Variants in BRIP1 observed in about 807,000 individuals in gnomAD.
BRIP1 encodes Fanconi anemia group J protein.
Under a neutral mutation model 119.7 loss-of-function variants are expected in BRIP1, and 88 were observed. The ratio of observed to expected loss-of-function variants is 0.74; its 90% CI spans 0.62 to 0.88. The LOEUF (loss-of-function observed/expected upper bound fraction) is 0.88. BRIP1 is among the 40% of genes least tolerant of loss of function. The pLI is 0.00. For missense variants in BRIP1, 1,259 were observed against 1,455.4 expected (o/e 0.87, Z 2.20); for synonymous variants, 443 against 496.5 (o/e 0.89, Z 1.43).
Position 61,825,888 on chromosome 17 carries a change from A to G in BRIP1, c.628-17131T>C, listed in dbSNP as rs895444847. The stretch of plus-strand genomic sequence containing the variant: ...AACTACCACTGACATTCTTCAGAGA[A>G]CTAGGAAAAACTCTTTTAAAACTCA... On this transcript the variant is annotated intron_variant, in intron 6 of 19. Transcript: ENST00000259008. The surrounding 1 kb of genome is among the most constrained non-coding windows in gnomAD (Gnocchi z 4.1). 2.0e-5 allele frequency among the ~76,000 whole-genome samples: 3 copies of G among 152,138 alleles called. No individual in the cohort carries two copies. The highest frequency in any genetic ancestry group is 2.9e-5 in the Non-Finnish European group (2 of 68,024).
rs1377250637 is a variant in BRIP1, at chr17:61,736,520, C to T, written c.2379+6493G>A. Among the ~76,000 whole-genome samples the T allele has an allele frequency of 2.0e-5, 3 of 152,096 alleles. No homozygotes were observed. The highest frequency in any genetic ancestry group is 4.4e-5 in the Non-Finnish European group (3 of 68,014). On this transcript the variant is annotated intron_variant, in intron 16 of 19. Coordinates refer to ENST00000259008, the MANE Select transcript of BRIP1 (RefSeq NM_032043.3). This position sits in a 1 kb window ranked among gnomAD's most constrained non-coding sequence, Gnocchi z 4.4. ...TACTATAACTACCCTGTATTGCCTC[C>T]TTATGAGTCATATCACTGTTTACTA...
chr17:61,808,703 C>G lies in BRIP1; in HGVS notation c.682G>C (p.Glu228Gln), dbSNP rs2145421356. 6.2e-7 allele frequency: 1 copy of G among 1,613,872 alleles called. No homozygotes were observed. The highest frequency in any genetic ancestry group is 8.5e-7 in the Non-Finnish European group (1 of 1,179,910). The change falls in exon 7 of 20, where the codon GAG becomes CAG. Residue 228 changes from glutamate (E) to glutamine (Q), a missense_variant. Coordinates refer to ENST00000259008, the MANE Select transcript of BRIP1 (RefSeq NM_032043.3). The surrounding 1 kb of genome is among the most constrained non-coding windows in gnomAD (Gnocchi z 4.1). ...CCSTKQGNSQ[E>Q]SSNTIKKDHT... ...TCCTTCTTAATGGTATTCGATGACT[C>G]TTGACTGTTTCCTTGTTTAGTAGAA...
rs190466666 is a variant in BRIP1, at chr17:61,744,969, A to G, written c.2098-378T>C. ...TCTTGGCAATTTCAAAAGCAAAAGC[A>G]AAAAACAAAAAACCTCTGTCAAAGT... On this transcript the variant is annotated intron_variant, in intron 14 of 19. Transcript: ENST00000259008. The surrounding 1 kb of genome is among the most constrained non-coding windows in gnomAD (Gnocchi z 5.0). Among the ~76,000 whole-genome samples, 1 of 152,058 alleles carries G rather than the reference A, an allele frequency of 6.6e-6. No individual in the cohort carries two copies. The highest frequency in any genetic ancestry group is 1.5e-5 in the Non-Finnish European group (1 of 68,006).
Position 61,780,445 on chromosome 17 carries a change from A to AG in BRIP1, c.1795-45dup. On this transcript the variant is annotated intron_variant, in intron 12 of 19. Transcript: ENST00000259008. This position sits in a 1 kb window ranked among gnomAD's most constrained non-coding sequence, Gnocchi z 5.4. The stretch of plus-strand genomic sequence containing the variant: ...AGATAAATAAAATTATCTTTAGAAG[A>AG]GGCTGGGCAAAGTGGCTCACACCTG... 3.2e-6 allele frequency: 5 copies of AG among 1,556,864 alleles called. No individual in the cohort carries two copies. The highest frequency in any genetic ancestry group is 4.4e-6 in the Non-Finnish European group (5 of 1,129,720).
At chr17:61,696,557 C>G (rs1414311303) in intron 17 of BRIP1, among the ~76,000 whole-genome samples, 1 of 151,836 alleles carries the variant, frequency 6.6e-6, no homozygotes, top group South Asian at 2.1e-4. Context: ...TGGTAGAATT[C>G]ACCAGTGAAG....
Position 61,784,390 on chromosome 17 carries a change from T to C in BRIP1, c.1508A>G (p.Lys503Arg), listed in dbSNP as rs1310324883. 6.2e-7 allele frequency: 1 copy of C among 1,613,478 alleles called. No homozygotes were observed. The highest frequency in any genetic ancestry group is 1.7e-5 in the Admixed American group (1 of 60,010). The change falls in exon 11 of 20, where the codon AAA becomes AGA. Residue 503 changes from lysine to arginine, a missense_variant. This residue lies in a region of BRIP1 where 753 missense variants were observed against 891.8 expected (regional missense o/e 0.84). Transcript: ENST00000259008. ...CTCTTTACCATAAATTGGTGAGATT[T>C]TTTCCTCTTTTTGAAGAACAGCAGA... is the stretch of plus-strand genomic sequence containing the variant. ...HFSAVLQKEE[K>R]ISPIYGKEEA...
In BRIP1 at chr17:61,845,965, G is replaced by A. The variant is rs1052738584; in HGVS notation, c.627+1136C>T. Among the ~76,000 whole-genome samples the A allele has an allele frequency of 1.3e-5, 2 of 152,028 alleles. No homozygotes were observed. Among genetic ancestry groups the A allele is most frequent in the South Asian group, 2.1e-4 (1 of 4,826 alleles). On this transcript the variant is annotated intron_variant, in intron 6 of 19. Coordinates refer to ENST00000259008, the MANE Select transcript of BRIP1 (RefSeq NM_032043.3). The surrounding 1 kb of genome is among the most constrained non-coding windows in gnomAD (Gnocchi z 4.2). ...GTTGAGGCCAAGGTGGGCGGATCAC[G>A]AGGTCAGAAGATCGAGACCATCCTG...
rs1037093334 is a variant in BRIP1 at position 61,808,879 on chromosome 17, A to G, written c.628-122T>C. 9.8e-7 allele frequency: 1 copy of G among 1,019,036 alleles called. No individual in the cohort carries two copies. The highest frequency in any genetic ancestry group is 2.6e-5 in the East Asian group (1 of 38,978). The allele number at this position is 1,019,036 out of a possible 1,614,324, so 63.1% of individuals were successfully genotyped here. On this transcript the variant is annotated intron_variant, in intron 6 of 19. Transcript: ENST00000259008. The surrounding 1 kb of genome is among the most constrained non-coding windows in gnomAD (Gnocchi z 4.1). The stretch of plus-strand genomic sequence containing the variant: ...CAATGGTCAAATAAAGAGAAATAAC[A>G]AGAAATTATAGTATCTAAAACTTGC...
At chr17:61,773,928 A>G (rs1231185714) in intron 14 of BRIP1, among the ~76,000 whole-genome samples, 1 of 152,206 alleles carries the variant, frequency 6.6e-6, no homozygotes, top group East Asian at 1.9e-4. Flanking sequence ...TTAAACAGTC[A>G]GGAAACAACA....
chr17:61,698,962 C>T (rs1397894875), intron 17 of BRIP1, among the ~76,000 whole-genome samples: 2 of 152,202 alleles, frequency 1.3e-5, no homozygotes, highest in African/African-American at 4.8e-5. Flanking sequence ...AGCGATCTGC[C>T]CACCTCAGCC....
In BRIP1 at chr17:61,768,071, T is replaced by G. The variant is rs151264032; in HGVS notation, c.2097+8330A>C. Among the ~76,000 whole-genome samples, 4 of 152,348 alleles carry G rather than the reference T, an allele frequency of 2.6e-5. No individual in the cohort carries two copies. The highest frequency in any genetic ancestry group is 6.5e-5 in the Admixed American group (1 of 15,290). On this transcript the variant is annotated intron_variant, in intron 14 of 19. Coordinates refer to ENST00000259008, the MANE Select transcript of BRIP1 (RefSeq NM_032043.3). This position sits in a 1 kb window ranked among gnomAD's most constrained non-coding sequence, Gnocchi z 5.0. ...ATAATGCAAGGATGTGTACACTTAT[T>G]TTATACCACAACCCAAACTGAAATC...
At chr17:61,702,484 G>A (rs1369350857) in intron 17 of BRIP1, among the ~76,000 whole-genome samples, 1 of 152,076 alleles carries the variant, frequency 6.6e-6, no homozygotes, top group African/African-American at 2.4e-5. Flanking sequence ...AGTAGGCCCT[G>A]GTGTCTGTTG....
Position 61,780,452 on chromosome 17 carries a change from G to T in BRIP1, c.1795-51C>A. The T allele has an allele frequency of 1.3e-6, 2 of 1,502,642 alleles. No individual in the cohort carries two copies. Among genetic ancestry groups the T allele is most frequent in the Non-Finnish European group, 1.8e-6 (2 of 1,081,940 alleles). The allele number at this position is 1,502,642 out of a possible 1,614,324, so 93.1% of individuals were successfully genotyped here. A position where few individuals can be genotyped will look rare whatever the true frequency, so the allele number is the denominator to read the frequency against. Reference sequence around the variant, plus strand: ...TAAAATTATCTTTAGAAGAGGCTGGGCAAAGTGGCTCACACCTGTAATCCC... The same window carrying T: ...TAAAATTATCTTTAGAAGAGGCTGGTCAAAGTGGCTCACACCTGTAATCCC... On this transcript the variant is annotated intron_variant, in intron 12 of 19. Coordinates refer to ENST00000259008, the MANE Select transcript of BRIP1 (RefSeq NM_032043.3). The surrounding 1 kb of genome is among the most constrained non-coding windows in gnomAD (Gnocchi z 5.4).
rs1012305812 is a variant in BRIP1, at chr17:61,843,045, C to G, written c.627+4056G>C. Among the ~76,000 whole-genome samples the G allele has an allele frequency of 2.0e-5, 3 of 152,086 alleles. No homozygotes were observed. The highest frequency in any genetic ancestry group is 7.2e-5 in the African/African-American group (3 of 41,418). On this transcript the variant is annotated intron_variant, in intron 6 of 19. Transcript: ENST00000259008. This position sits in a 1 kb window ranked among gnomAD's most constrained non-coding sequence, Gnocchi z 5.7. ...ATGGAATATTAGCCCTAAAAAAGAT[C>G]CTGCTATTTGTGACAACATGGATGA...
rs1419405898 is a variant in BRIP1, at chr17:61,725,187, G to A, written c.2380-9124C>T. On this transcript the variant is annotated intron_variant, in intron 16 of 19. Transcript: ENST00000259008. The surrounding 1 kb of genome is among the most constrained non-coding windows in gnomAD (Gnocchi z 5.3). ...AAATGGGGAAAATGAGTTAGTTTCT[G>A]CCAAGAGTTAAGAAGCCAGGCTCCC... 2.0e-5 allele frequency among the ~76,000 whole-genome samples: 3 copies of A among 151,922 alleles called. No individual in the cohort carries two copies. The highest frequency in any genetic ancestry group is 6.6e-5 in the Admixed American group (1 of 15,222).
rs1228837809 is a variant in BRIP1, at chr17:61,814,059, TA to T, written c.628-5303del. On this transcript the variant is annotated intron_variant, in intron 6 of 19. Transcript: ENST00000259008. This position sits in a 1 kb window ranked among gnomAD's most constrained non-coding sequence, Gnocchi z 4.9. ...CATATTATGTCCCCCAAGGGAAAAA[TA>T]AAAAACACAAACTTTCAATTAATAG... 7.2e-5 allele frequency among the ~76,000 whole-genome samples: 11 copies of T among 151,838 alleles called. No individual in the cohort carries two copies. Among genetic ancestry groups the T allele is most frequent in the South Asian group, 2.1e-4 (1 of 4,820 alleles).
intron 18 of BRIP1, among the ~76,000 whole-genome samples, chr17:61,692,304 A>C (rs2061459015): frequency 6.6e-6 from 1 of 152,254 alleles, no homozygotes; most frequent in Non-Finnish European, 1.5e-5. Flanking sequence ...AAATTAGACA[A>C]GGAAGACCAT....
intron 4 of BRIP1, among the ~76,000 whole-genome samples, chr17:61,854,694 C>G (rs1603365132): frequency 7.7e-6 from 1 of 129,252 alleles, no homozygotes; most frequent in East Asian, 2.2e-4. Context: ...GCAAGAGTGA[C>G]TCCGTCTCAA....
At position 61,737,586 on chromosome 17, in the gene BRIP1, G is replaced by A. The variant is rs150970577; in HGVS notation, c.2379+5427C>T. 3.7e-3 allele frequency among the ~76,000 whole-genome samples: 556 copies of A among 152,118 alleles called. 4 individuals carry two copies. Among genetic ancestry groups the A allele is most frequent in the Non-Finnish European group, 4.7e-3 (318 of 67,990 alleles). On this transcript the variant is annotated intron_variant, in intron 16 of 19. Transcript: ENST00000259008. Reference sequence around the variant, plus strand: ...AAACTTAACTTTTATATTCCATAGAGGCATACAAATATTTTCAAATACTTG... The same window carrying A: ...AAACTTAACTTTTATATTCCATAGAAGCATACAAATATTTTCAAATACTTG...
Sources: gnomAD v4.1 joint callset for allele counts (sites outside exome capture counted in the v4.1 genomes callset) on GRCh38, gnomAD v4.1.1 for gene constraint, gnomAD v4.1.1 regional missense constraint, Gnocchi (gnomAD v3.1) non-coding constraint, MANE v1.5 for transcripts, NCBI Gene and HGNC (gene_info 2026-07-23, HGNC 2026-07-21) for gene names.